EPHA6: variants seen among roughly 807,000 people sequenced by gnomAD.
EPHA6 encodes the protein ephrin type-A receptor 6.
Under a neutral mutation model 112.0 loss-of-function variants are expected in EPHA6, and 50 were observed. The ratio of observed to expected loss-of-function variants is 0.45; its 90% CI spans 0.36 to 0.56. The LOEUF (loss-of-function observed/expected upper bound fraction) is 0.56, where lower values mean the gene tolerates loss of function less well. EPHA6 is among the 20% of genes least tolerant of loss of function. The probability of loss-of-function intolerance (pLI) is 0.00; values close to 1 mark genes in which losing one functional copy is unlikely to be tolerated. For synonymous variants in EPHA6, 529 were observed against 490.7 expected, an observed-to-expected ratio of 1.08 and a Z score of -1.03; for missense variants, 1,280 against 1,417.4, an observed-to-expected ratio of 0.90 and a Z score of 1.56.
intron 14 of EPHA6, among the ~76,000 whole-genome samples, chr3:97,670,398 C>T (rs960445356): frequency 2.0e-5 from 3 of 152,082 alleles, no homozygotes; most frequent in South Asian, 2.1e-4. Context: ...AATATTTGCC[C>T]GTCTCTAGTA....
intron 5 of EPHA6, among the ~76,000 whole-genome samples, chr3:97,271,090 T>C (rs552715645): frequency 6.6e-6 from 1 of 152,338 alleles, no homozygotes; most frequent in South Asian, 2.1e-4. Context: ...AAGGACTAAA[T>C]TGACTAATAT....
At chr3:97,713,795 G>C (rs1025157422) in intron 14 of EPHA6, among the ~76,000 whole-genome samples, 5 of 152,176 alleles carry the variant, frequency 3.3e-5, no homozygotes, top group African/African-American at 9.7e-5. Flanking sequence ...TCCTTATCAG[G>C]CTGGTCAAGC....
At chr3:96,955,847 G>A (rs1045073301) in intron 2 of EPHA6, among the ~76,000 whole-genome samples, 1 of 152,182 alleles carries the variant, frequency 6.6e-6, no homozygotes, top group South Asian at 2.1e-4. Flanking sequence ...ACAGTTGTCA[G>A]TTGAAAAGCA....
At chr3:97,147,976 A>T (rs1433531520) in intron 3 of EPHA6, among the ~76,000 whole-genome samples, 1 of 152,114 alleles carries the variant, frequency 6.6e-6, no homozygotes, top group Admixed American at 6.6e-5. Context: ...ACAATATGGG[A>T]AACTAGGTGA....
At chr3:97,111,989 T>C (rs1457717293) in intron 3 of EPHA6, among the ~76,000 whole-genome samples, 1 of 152,182 alleles carries the variant, frequency 6.6e-6, no homozygotes, top group Admixed American at 6.6e-5. Context: ...TTTTAGATTT[T>C]GCCACTAATT....
At chr3:97,529,291 C>T (rs1353114506) in intron 10 of EPHA6, among the ~76,000 whole-genome samples, 1 of 152,082 alleles carries the variant, frequency 6.6e-6, no homozygotes, top group Non-Finnish European at 1.5e-5. Flanking sequence ...TCAATTTTCT[C>T]ACCAACAAAT....
At chr3:97,323,596 G>A (rs984358599) in intron 5 of EPHA6, among the ~76,000 whole-genome samples, 1 of 151,238 alleles carries the variant, frequency 6.6e-6, no homozygotes, top group African/African-American at 2.5e-5. Context: ...AATATTTAAA[G>A]TCTTTTGTAC....
At chr3:97,423,035 A>G (rs1428359064) in intron 6 of EPHA6, among the ~76,000 whole-genome samples, 1 of 152,236 alleles carries the variant, frequency 6.6e-6, no homozygotes, top group Non-Finnish European at 1.5e-5. Context: ...TGACAAAACC[A>G]CAGCCAACAT....
chr3:96,978,508 AATCT>A (rs2042622559), intron 2 of EPHA6, among the ~76,000 whole-genome samples: 1 of 152,156 alleles, frequency 6.6e-6, no homozygotes, highest in Non-Finnish European at 1.5e-5. Flanking sequence ...ATCAATCTTG[AATCT>A]ATCTTCTTGT....
At chr3:97,219,763 G>A (rs532951485) in intron 3 of EPHA6, among the ~76,000 whole-genome samples, 1 of 152,300 alleles carries the variant, frequency 6.6e-6, no homozygotes, top group South Asian at 2.1e-4. Flanking sequence ...TGTTAGTTAT[G>A]CAAATTCCTG....
At chr3:97,697,713 A>G (rs2033129304) in intron 14 of EPHA6, among the ~76,000 whole-genome samples, 1 of 152,180 alleles carries the variant, frequency 6.6e-6, no homozygotes. Context: ...TTTCTGAAGC[A>G]TCTAATATAC....
At position 97,405,153 on chromosome 3, in the gene EPHA6, C is replaced by T. The variant is rs772449969; in HGVS notation, c.1610C>T (p.Pro537Leu). ...AITVTTDQDA[P>L]SLIGVVRKDW... ...TAGTTATTTTCTTTCCTTTCAGCACCTTCCCTGATAGGTGTGGTAAGGAAG... is the reference window on the plus strand; with the variant it reads ...TAGTTATTTTCTTTCCTTTCAGCACTTTCCCTGATAGGTGTGGTAAGGAAG... Residue 537 changes from proline to leucine, a missense_variant, in exon 6 of 18, where the codon CCT becomes CTT. Physicochemically the swap from Pro to Leu is moderately conservative, Grantham distance 98. Coordinates refer to ENST00000389672, the MANE Select transcript of EPHA6 (RefSeq NM_001080448.3). 1.1e-5 allele frequency: 17 copies of T among 1,593,754 alleles called. No homozygotes were observed. In the South Asian group the frequency reaches 1.7e-4, roughly 16 times the overall value.
At chr3:97,213,276 G>A (rs576686343) in intron 3 of EPHA6, among the ~76,000 whole-genome samples, 1 of 152,018 alleles carries the variant, frequency 6.6e-6, no homozygotes, top group East Asian at 1.9e-4. Context: ...CATGTGAGAG[G>A]AGGACAGAGA....
chr3:97,336,891 A>G (rs2083082455), intron 5 of EPHA6, among the ~76,000 whole-genome samples: 1 of 151,576 alleles, frequency 6.6e-6, no homozygotes. Context: ...AGGTCTTGGA[A>G]ATAGGCTGGT....
chr3:96,915,397 G>A (rs1559827644), intron 2 of EPHA6, among the ~76,000 whole-genome samples: 2 of 152,028 alleles, frequency 1.3e-5, no homozygotes, highest in African/African-American at 4.8e-5. Context: ...TGGAATTACT[G>A]GCATAGTGCA....
Position 96,987,443 on chromosome 3 carries a change from T to C in EPHA6, c.564T>C (p.Arg188=), listed in dbSNP as rs1265570547. 1 of 1,613,826 alleles carries C rather than the reference T, an allele frequency of 6.2e-7. No individual in the cohort carries two copies. The highest frequency in any genetic ancestry group is 8.5e-7 in the Non-Finnish European group (1 of 1,179,878). The stretch of plus-strand genomic sequence containing the variant: ...GGCTTCGTACAAACTGGATCTCCCG[T>C]GATGCAGCTCAGAAAATTTATGTGG... ...NNWLRTNWIS[R]DAAQKIYVEM... Residue 188 remains arginine, a synonymous_variant, in exon 3 of 18, where the codon CGT becomes CGC. Transcript: ENST00000389672.
chr3:97,428,638 C>G (rs958084218), intron 6 of EPHA6, among the ~76,000 whole-genome samples: 3 of 152,010 alleles, frequency 2.0e-5, no homozygotes, highest in African/African-American at 7.2e-5. Flanking sequence ...GGGTGTTTTC[C>G]AAATACATTT....
intron 7 of EPHA6, among the ~76,000 whole-genome samples, chr3:97,449,084 G>A (rs751384302): frequency 1.3e-5 from 2 of 152,110 alleles, no homozygotes; most frequent in Non-Finnish European, 2.9e-5. Flanking sequence ...ATTCAGAATT[G>A]TGCAGCTTTG....
intron 11 of EPHA6, among the ~76,000 whole-genome samples, chr3:97,567,906 TG>T (rs2093288166): frequency 6.6e-6 from 1 of 152,172 alleles, no homozygotes; most frequent in Non-Finnish European, 1.5e-5. Context: ...GGGAAAGTCA[TG>T]GCAGAGCAGT....
Sources: allele counts gnomAD v4.1 joint callset (sites outside exome capture counted in the v4.1 genomes callset), GRCh38; gene constraint gnomAD v4.1.1; transcripts MANE v1.5; gene names NCBI Gene and HGNC (gene_info 2026-07-23, HGNC 2026-07-21).